Variants in GPLD1 observed in about 807,000 individuals in gnomAD.
GPLD1 encodes the protein glycosylphosphatidylinositol specific phospholipase D1.
A neutral mutation model predicts 112.6 loss-of-function variants in GPLD1; 84 were observed. That is an observed-to-expected ratio of 0.75 (90% CI 0.63 to 0.89). GPLD1 has a LOEUF of 0.89. GPLD1 is among the 40% of genes least tolerant of loss of function. The pLI is 0.00. For missense variants in GPLD1, 1,044 were observed against 1,051.5 expected (o/e 0.99, Z 0.10); for synonymous variants, 386 against 403.8 (o/e 0.96, Z 0.53).
chr6:24,439,105 T>C (rs1762668317), intron 20 of GPLD1, among the ~76,000 whole-genome samples: 1 of 152,120 alleles, frequency 6.6e-6, no homozygotes, highest in South Asian at 2.1e-4. Flanking sequence ...TTTTCGTGCC[T>C]CCTAAAGGAA....
chr6:24,451,376 CTT>C (rs1280467497), intron 14 of GPLD1, among the ~76,000 whole-genome samples: 1 of 152,056 alleles, frequency 6.6e-6, no homozygotes, highest in African/African-American at 2.4e-5. Context: ...GAGTTTCGCT[CTT>C]GTTGCCCAGG....
At chr6:24,443,796 G>C (rs1413388539) in intron 20 of GPLD1, among the ~76,000 whole-genome samples, 1 of 152,026 alleles carries the variant, frequency 6.6e-6, no homozygotes, top group Non-Finnish European at 1.5e-5. Flanking sequence ...TCAGGCTCAG[G>C]AGTAGCTGGG....
At chr6:24,454,437 G>A (rs1763200444) in intron 13 of GPLD1, among the ~76,000 whole-genome samples, 2 of 152,014 alleles carry the variant, frequency 1.3e-5, no homozygotes, top group African/African-American at 4.8e-5. Context: ...AAGCATTTCT[G>A]GACTACATAA....
upstream of GPLD1, among the ~76,000 whole-genome samples, chr6:24,491,334 G>C (rs539149013): frequency 5.2e-4 from 79 of 152,132 alleles, no homozygotes; most frequent in South Asian, 0.015. Context: ...ATGGTTACAG[G>C]GGAAAAAAAT....
intron 10 of GPLD1, 109 bp downstream of exon 10, chr6:24,466,571 T>C (rs1363184485): frequency 3.8e-6 from 3 of 779,850 alleles, no homozygotes; most frequent in African/African-American, 1.9e-5. Flanking sequence ...CTTCATGAGA[T>C]TGTTTTGTTT....
rs71753652 is a variant in GPLD1, at chr6:24,471,470, AAGAC to A, written c.545+1108_545+1111del. Reference sequence around the variant, plus strand: ...ACAGAGTTAGACTGGCTCAAAAAAAAAGACAGAAAGAAACAGAAAACCAAAACAG... The same window carrying A: ...ACAGAGTTAGACTGGCTCAAAAAAAAAGAAAGAAACAGAAAACCAAAACAG... On this transcript the variant is annotated intron_variant, in intron 7 of 24. Transcript: ENST00000230036. 3.0e-3 allele frequency among the ~76,000 whole-genome samples: 461 copies of A among 152,318 alleles called. 1 individual carries two copies. Among genetic ancestry groups the A allele is most frequent in the Non-Finnish European group, 6.0e-3 (410 of 68,028 alleles).
rs1439180370 is a variant in GPLD1, at chr6:24,440,655, A to G, written c.2021-3366T>C. Among the ~76,000 whole-genome samples, 8 of 148,428 alleles carry G rather than the reference A, an allele frequency of 5.4e-5. No individual in the cohort carries two copies. In the Admixed American group the frequency reaches 5.4e-4, roughly 10 times the overall value. Reference sequence around the variant, plus strand: ...GTGGTCCCGGCTACTTGTGAACCTGAGATGGGAGGATCACTTGAGCCCAGA... The same window carrying G: ...GTGGTCCCGGCTACTTGTGAACCTGGGATGGGAGGATCACTTGAGCCCAGA... On this transcript the variant is annotated intron_variant, in intron 20 of 24. Transcript: ENST00000230036.
At chr6:24,444,501 T>TA (rs1004527270) in intron 20 of GPLD1, among the ~76,000 whole-genome samples, 15 of 151,642 alleles carry the variant, frequency 9.9e-5, no homozygotes, top group African/African-American at 3.1e-4. Flanking sequence ...CTTATTTATT[T>TA]TTTTTTTTAA....
At chr6:24,433,942 T>C (rs1258272516) in intron 22 of GPLD1, among the ~76,000 whole-genome samples, 2 of 152,024 alleles carry the variant, frequency 1.3e-5, no homozygotes, top group East Asian at 1.9e-4. Context: ...ACAATGAAAA[T>C]TGGAAATGGC....
intron 14 of GPLD1, among the ~76,000 whole-genome samples, chr6:24,453,699 CGT>C (rs59607870): frequency 0.023 from 3,493 of 150,488 alleles, 69 homozygotes; most frequent in African/African-American, 0.043. Context: ...ACATACATTT[CGT>C]GTGTGTGTGT....
intron 3 of GPLD1, 95 bp downstream of exon 3, chr6:24,479,786 T>C: frequency 3.1e-6 from 2 of 646,726 alleles, no homozygotes; most frequent in South Asian, 1.9e-5. Context: ...ATTAAAAATA[T>C]ATTGTACACA....
chr6:24,461,428 C>G (rs1223319325), intron 11 of GPLD1, among the ~76,000 whole-genome samples: 1 of 152,192 alleles, frequency 6.6e-6, no homozygotes, highest in Non-Finnish European at 1.5e-5. Flanking sequence ...TTCCAAAGTG[C>G]TAAGATCATT....
At chr6:24,466,558 G>A (rs1306099005) in intron 10 of GPLD1, 122 bp downstream of exon 10, 3 of 731,174 alleles carry the variant, frequency 4.1e-6, no homozygotes, top group Non-Finnish European at 6.8e-6. Context: ...GGTTAGAAAA[G>A]CACTTCATGA....
Position 24,486,131 on chromosome 6 carries a change from C to G in GPLD1, c.98-1G>C. The G allele has an allele frequency of 1.9e-6, 3 of 1,552,776 alleles. No homozygotes were observed. The highest frequency in any genetic ancestry group is 2.7e-6 in the Non-Finnish European group (3 of 1,127,422). On this transcript the variant is annotated splice_acceptor_variant, in intron 1 of 24. Coordinates refer to ENST00000230036, the MANE Select transcript of GPLD1 (RefSeq NM_001503.4). LOFTEE classifies it high-confidence loss of function. Reference sequence around the variant, plus strand: ...TGAAGAAACTCCAGAGCTCTGTGTCCTGAGAGAAATAAATACATAAATCAA... The same window carrying G: ...TGAAGAAACTCCAGAGCTCTGTGTCGTGAGAGAAATAAATACATAAATCAA...
chr6:24,456,014 C>T (rs961093925), intron 13 of GPLD1, among the ~76,000 whole-genome samples: 1 of 151,832 alleles, frequency 6.6e-6, no homozygotes, highest in South Asian at 2.1e-4. Flanking sequence ...ATCTCTAGTA[C>T]AGAAAAAAAA....
Position 24,435,836 on chromosome 6 carries a change from A to AAAAAAAAAAAAAAATAAAAAAAAT in GPLD1, c.2358+739_2358+740insATTTTTTTTATTTTTTTTTTTTTT, listed in dbSNP as rs1427422814. On this transcript the variant is annotated intron_variant, in intron 22 of 24. Coordinates refer to ENST00000230036, the MANE Select transcript of GPLD1 (RefSeq NM_001503.4). ...CCAGACGCTGTCTCAAAAAAAAAAA[A>AAAAAAAAAAAAAAATAAAAAAAAT]AAAAAAAAAAAGTTAAATAATGGCC... 8.5e-4 allele frequency: 124 copies of AAAAAAAAAAAAAAATAAAAAAAAT among 146,612 alleles called. 1 individual carries two copies. The highest frequency in any genetic ancestry group is 1.5e-3 in the Non-Finnish European group (100 of 65,654). The allele number at this position is 146,612 out of a possible 1,614,324, so 9.1% of individuals were successfully genotyped here. A position where few individuals can be genotyped will look rare whatever the true frequency, so the allele number is the denominator to read the frequency against.
exon 1 of GPLD1, chr6:24,495,007 G>A: frequency 7.5e-7 from 1 of 1,325,140 alleles, no homozygotes; most frequent in Non-Finnish European, 9.6e-7. Flanking sequence ...ATGGCGACCT[G>A]CATTTGGCTG....
intron 21 of GPLD1, 56 bp downstream of exon 21, chr6:24,437,057 C>A: frequency 6.7e-7 from 1 of 1,501,436 alleles, no homozygotes; most frequent in Non-Finnish European, 9.2e-7. Context: ...ATTAGGGGAC[C>A]CACCCCCTGG....
At chr6:24,495,030 G>A in exon 1 of GPLD1, 16 of 1,347,616 alleles carry the variant, frequency 1.2e-5, no homozygotes, top group Non-Finnish European at 1.5e-5. Flanking sequence ...GAGCTGTGGG[G>A]CCCGGCGCCT....
Sources: allele counts gnomAD v4.1 joint callset (sites outside exome capture counted in the v4.1 genomes callset), GRCh38; gene constraint gnomAD v4.1.1; transcripts MANE v1.5; gene names NCBI Gene and HGNC (gene_info 2026-07-23, HGNC 2026-07-21).